The following MILR1 variants were observed in gnomAD, a reference collection of about 807,000 sequenced individuals.
The protein encoded by MILR1 is allergin-1.
A neutral mutation model predicts 18.5 loss-of-function variants in MILR1; 31 were observed. The ratio of observed to expected loss-of-function variants is 1.68; its 90% CI spans 1.26 to 2.26. The LOEUF is 2.26. Ranked by LOEUF, MILR1 falls within the 30% of genes most tolerant of loss-of-function variation. The pLI is 0.00. For synonymous variants in MILR1, 85 were observed against 56.2 expected (o/e 1.51, Z -2.30); for missense variants, 257 against 157.4 (o/e 1.63, Z -3.38).
chr17:64,490,168 C>T, the MILR1 span, among the ~76,000 whole-genome samples: 2 of 152,112 alleles, frequency 1.3e-5, no homozygotes, highest in Non-Finnish European at 2.9e-5. Context: ...CATGATCCTC[C>T]CACTTCGGCC....
the MILR1 span, chr17:64,497,001 T>C: frequency 2.5e-6 from 4 of 1,578,810 alleles, no homozygotes; most frequent in South Asian, 1.1e-5. Flanking sequence ...CACTCTCCCA[T>C]CACTCAACGG....
chr17:64,453,022 C>T (rs2037209383), intron 3 of MILR1, among the ~76,000 whole-genome samples, 156 bp downstream of exon 3: 1 of 151,434 alleles, frequency 6.6e-6, no homozygotes, highest in Non-Finnish European at 1.5e-5. Context: ...ATTTTTAGAC[C>T]TGGTCAACAG....
chr17:64,452,671 CA>C lies in MILR1; in HGVS notation c.173del (p.His58LeufsTer33). On this transcript the variant is annotated frameshift_variant, in exon 3 of 10. Coordinates refer to ENST00000619286, the MANE Select transcript of MILR1 (RefSeq NM_001085423.2). LOFTEE classifies it high-confidence loss of function. ...TCAAAATGTATCTATGTTTTGTTCC[CA>C]TAAGAACAAATCACTGCAGATCACC... ...KGQNVSMFCS[H>X]KNKSLQITYS... 4.2e-6 allele frequency: 2 copies of C among 470,888 alleles called. No homozygotes were observed. Among genetic ancestry groups the C allele is most frequent in the Non-Finnish European group, 7.8e-6 (2 of 256,986 alleles). 29.2% of individuals were successfully genotyped at this position (470,888 alleles called of 1,614,324 possible).
At chr17:64,456,160 A>G (rs1488944065) in intron 3 of MILR1, among the ~76,000 whole-genome samples, 2 of 152,152 alleles carry the variant, frequency 1.3e-5, no homozygotes, top group African/African-American at 4.8e-5. Flanking sequence ...ATCTCTCTGA[A>G]GCACAGTTGG....
the MILR1 span, among the ~76,000 whole-genome samples, chr17:64,494,437 T>G: frequency 3.9e-5 from 6 of 152,170 alleles, no homozygotes; most frequent in Non-Finnish European, 8.8e-5. Context: ...TCACCCAGTA[T>G]TTTAGAATCC....
At chr17:64,458,194 TTTCC>T (rs35194632) in intron 4 of MILR1, among the ~76,000 whole-genome samples, 10 of 145,710 alleles carry the variant, frequency 6.9e-5, no homozygotes, top group African/African-American at 1.3e-4. Flanking sequence ...TCCTTCCTTC[TTTCC>T]TTCCTTCCTT....
At chr17:64,475,028 A>G in the MILR1 span, among the ~76,000 whole-genome samples, 1 of 151,106 alleles carries the variant, frequency 6.6e-6, no homozygotes, top group African/African-American at 2.4e-5. Context: ...ACTTTACTAA[A>G]AATACAAAAA....
chr17:64,480,538 A>G, the MILR1 span: 1 of 509,236 alleles, frequency 2.0e-6, no homozygotes, highest in South Asian at 2.2e-5. Context: ...TATAACTTCC[A>G]TATCATATAC....
chr17:64,456,015 T>G (rs1004795817), intron 3 of MILR1, among the ~76,000 whole-genome samples: 1,534 of 152,156 alleles, frequency 0.01, 30 homozygotes, highest in African/African-American at 0.035. Flanking sequence ...CACTCCAGGT[T>G]GGGTGACAGA....
At chr17:64,467,467 G>A (rs1340572139) in intron 8 of MILR1, 98 bp from the exon 9 acceptor site, 1 of 703,810 alleles carries the variant, frequency 1.4e-6, no homozygotes, top group Non-Finnish European at 2.4e-6. Context: ...GTTAATACCT[G>A]GTTCTGTCAG....
chr17:64,473,153 T>C (rs1305986589), downstream of MILR1, among the ~76,000 whole-genome samples: 1 of 151,928 alleles, frequency 6.6e-6, no homozygotes, highest in Non-Finnish European at 1.5e-5. Context: ...ATCAAGACCA[T>C]CCTGGCTAAC....
chr17:64,466,710 G>A (rs575668299), intron 8 of MILR1, 48 bp downstream of exon 8: 1 of 1,482,226 alleles, frequency 6.7e-7, no homozygotes, highest in South Asian at 1.2e-5. Context: ...GAGACAGGTG[G>A]TCCCTCTGAT....
the MILR1 span, chr17:64,487,042 T>A: frequency 3.3e-5 from 5 of 152,080 alleles, no homozygotes; most frequent in East Asian, 7.7e-4. Flanking sequence ...ATGTAATTTT[T>A]AAAAATACTT....
At chr17:64,478,873 C>T in the MILR1 span, among the ~76,000 whole-genome samples, 6 of 151,890 alleles carry the variant, frequency 4.0e-5, no homozygotes, top group Non-Finnish European at 7.4e-5. Context: ...CCAGCCCGGG[C>T]GACAGTGCGA....
the MILR1 span, among the ~76,000 whole-genome samples, chr17:64,475,781 GAAAC>G: frequency 2.3e-4 from 33 of 141,580 alleles, no homozygotes; most frequent in African/African-American, 4.1e-4. Context: ...CCCCAAAAAA[GAAAC>G]AAACAGACAC....
At chr17:64,487,669 C>T in the MILR1 span, among the ~76,000 whole-genome samples, 591 of 149,116 alleles carry the variant, frequency 4.0e-3, 8 homozygotes, top group Admixed American at 0.032. Context: ...TTCTGTGGTG[C>T]GCTTTGAATC....
the MILR1 span, among the ~76,000 whole-genome samples, chr17:64,493,358 A>G: frequency 1.3e-5 from 2 of 152,142 alleles, no homozygotes; most frequent in African/African-American, 4.8e-5. Context: ...CCAAGGTTGC[A>G]GTGAGCTGGG....
the MILR1 span, chr17:64,480,241 C>G: frequency 1.3e-6 from 1 of 746,460 alleles, no homozygotes; most frequent in Non-Finnish European, 2.2e-6. Flanking sequence ...TAAACATAAT[C>G]AAAAACTCTT....
At chr17:64,481,287 C>CT in the MILR1 span, 1 of 985,424 alleles carries the variant, frequency 1.0e-6, no homozygotes. Flanking sequence ...TCTTCTCCTT[C>CT]TTTGAGCTCA....
Sources: allele counts gnomAD v4.1 joint callset (sites outside exome capture counted in the v4.1 genomes callset), GRCh38; gene constraint gnomAD v4.1.1; transcripts MANE v1.5; gene names NCBI Gene and HGNC (gene_info 2026-07-23, HGNC 2026-07-21).